Variants in NALF1 observed in about 807,000 individuals in gnomAD.
NALF1 encodes the protein NALCN channel auxiliary factor 1.
A neutral mutation model predicts 48.4 loss-of-function variants in NALF1; 3 were observed. That is an observed-to-expected ratio of 0.06 (90% CI 0.03 to 0.16). The LOEUF is 0.16. Ranked by LOEUF, NALF1 falls within the 10% of genes least tolerant of loss-of-function variation. The pLI, the probability that NALF1 is intolerant of heterozygous loss-of-function variation, is 1.00. For missense variants in NALF1, 526 were observed against 571.5 expected (o/e 0.92, Z 0.81); for synonymous variants, 262 against 245.7 (o/e 1.07, Z -0.62).
chr13:107,267,594 T>C (rs879392629), intron 1 of NALF1, among the ~76,000 whole-genome samples: 4 of 152,208 alleles, frequency 2.6e-5, no homozygotes, highest in Admixed American at 1.3e-4. Context: ...GGATCCCCAG[T>C]GGATGCCTGA....
intron 1 of NALF1, among the ~76,000 whole-genome samples, chr13:107,337,932 G>A (rs1052901360): frequency 6.6e-6 from 1 of 152,056 alleles, no homozygotes; most frequent in Non-Finnish European, 1.5e-5. Flanking sequence ...ACCGTGTCAC[G>A]CAAATAACAG....
intron 1 of NALF1, among the ~76,000 whole-genome samples, chr13:107,815,552 A>G (rs1228821892): frequency 6.6e-6 from 1 of 152,188 alleles, no homozygotes; most frequent in Non-Finnish European, 1.5e-5. Context: ...ACCCTTGCAC[A>G]TTGCTAGTAG....
intron 1 of NALF1, among the ~76,000 whole-genome samples, chr13:107,705,511 CATAT>C (rs10572837): frequency 0.17 from 24,998 of 150,346 alleles, 2,248 homozygotes; most frequent in East Asian, 0.36. Flanking sequence ...AGATTTTATA[CATAT>C]ATATATATAT....
intron 1 of NALF1, among the ~76,000 whole-genome samples, chr13:107,679,803 C>A (rs1416740265): frequency 3.3e-5 from 5 of 152,210 alleles, no homozygotes; most frequent in African/African-American, 1.2e-4. Context: ...CAGCACACTG[C>A]CACTCCATTC....
At chr13:107,336,579 A>G (rs1299149629) in intron 1 of NALF1, among the ~76,000 whole-genome samples, 2 of 152,112 alleles carry the variant, frequency 1.3e-5, no homozygotes, top group South Asian at 2.1e-4. Flanking sequence ...TAACATTATC[A>G]GGAAGACAAG....
chr13:107,529,118 G>A (rs961291737), intron 1 of NALF1, among the ~76,000 whole-genome samples: 3 of 152,060 alleles, frequency 2.0e-5, no homozygotes, highest in Non-Finnish European at 4.4e-5. Context: ...TATTTCATTT[G>A]CTTAACAAGA....
At chr13:107,373,979 C>T (rs1434031498) in intron 1 of NALF1, among the ~76,000 whole-genome samples, 1 of 152,126 alleles carries the variant, frequency 6.6e-6, no homozygotes, top group Non-Finnish European at 1.5e-5. Flanking sequence ...ATAGTTTTTC[C>T]TATTGCCAAA....
In NALF1 at chr13:107,614,409, G is replaced by C. The variant is rs531609479; in HGVS notation, c.915+251273C>G. On this transcript the variant is annotated intron_variant, in intron 1 of 2. Transcript: ENST00000375915. The stretch of plus-strand genomic sequence containing the variant: ...ACTATGAAGACAGAAGACACAGTTT[G>C]CATCTTAGGTCTTTTACTTACTCTT... Among the ~76,000 whole-genome samples the C allele has an allele frequency of 3.3e-5, 5 of 152,260 alleles. No individual in the cohort carries two copies. The East Asian group carries it at 9.7e-4, about 29-fold the overall frequency.
At chr13:107,318,909 T>C (rs9301211) in intron 1 of NALF1, among the ~76,000 whole-genome samples, 54,292 of 152,010 alleles carry the variant, frequency 0.36, 11,808 homozygotes, top group South Asian at 0.55. Context: ...TACAGTATAA[T>C]TGCTGCCATT....
At chr13:107,314,207 C>A (rs903905813) in intron 1 of NALF1, among the ~76,000 whole-genome samples, 7 of 152,148 alleles carry the variant, frequency 4.6e-5, no homozygotes, top group African/African-American at 1.7e-4. Context: ...CTGCAAAGGC[C>A]ATCGGCATCC....
intron 1 of NALF1, among the ~76,000 whole-genome samples, chr13:107,660,405 G>A (rs1880696810): frequency 6.7e-6 from 1 of 148,626 alleles, no homozygotes; most frequent in Admixed American, 6.8e-5. Context: ...CTGCACTCCA[G>A]CCAGGTGACA....
chr13:107,352,677 T>C (rs770963544), intron 1 of NALF1, among the ~76,000 whole-genome samples: 3 of 152,178 alleles, frequency 2.0e-5, no homozygotes, highest in Non-Finnish European at 4.4e-5. Flanking sequence ...AGCCCCACGT[T>C]CTAATGCCAT....
At chr13:107,222,944 T>G (rs1880025000) in intron 1 of NALF1, among the ~76,000 whole-genome samples, 1 of 152,222 alleles carries the variant, frequency 6.6e-6, no homozygotes, top group South Asian at 2.1e-4. Flanking sequence ...TAGTGGGATT[T>G]GTTTACTTGA....
At chr13:107,193,890 G>A (rs139489517) in intron 2 of NALF1, among the ~76,000 whole-genome samples, 12 of 136,874 alleles carry the variant, frequency 8.8e-5, no homozygotes, top group Non-Finnish European at 1.8e-4. Flanking sequence ...GCTAGAGTTG[G>A]AGCTGGCACT....
intron 1 of NALF1, among the ~76,000 whole-genome samples, chr13:107,792,472 A>T (rs1878278429): frequency 6.6e-6 from 1 of 152,154 alleles, no homozygotes; most frequent in Admixed American, 6.5e-5. Context: ...AAATTTATAA[A>T]ATTTACATCT....
intron 1 of NALF1, among the ~76,000 whole-genome samples, chr13:107,231,599 GT>G (rs1458326425): frequency 1.3e-5 from 2 of 152,140 alleles, no homozygotes; most frequent in African/African-American, 4.8e-5. Flanking sequence ...CTACATTTTG[GT>G]TTTACTAGCA....
At chr13:107,395,541 G>T (rs1883698025) in intron 1 of NALF1, among the ~76,000 whole-genome samples, 1 of 152,246 alleles carries the variant, frequency 6.6e-6, no homozygotes, top group African/African-American at 2.4e-5. Flanking sequence ...GGACTCATAG[G>T]CGTGTCTGCT....
intron 1 of NALF1, among the ~76,000 whole-genome samples, chr13:107,692,567 T>G (rs1303676255): frequency 6.6e-6 from 1 of 152,218 alleles, no homozygotes; most frequent in Admixed American, 6.5e-5. Flanking sequence ...GATTAACGTG[T>G]TATACTTGCT....
At chr13:107,389,536 C>T (rs148538204) in intron 1 of NALF1, among the ~76,000 whole-genome samples, 2,037 of 152,256 alleles carry the variant, frequency 0.013, 24 homozygotes, top group South Asian at 0.033. Context: ...TCTCAAATTT[C>T]TGGCCTCCAG....
Sources: allele counts gnomAD v4.1 joint callset (sites outside exome capture counted in the v4.1 genomes callset), GRCh38; gene constraint gnomAD v4.1.1; transcripts MANE v1.5; gene names NCBI Gene and HGNC (gene_info 2026-07-23, HGNC 2026-07-21).